Variants in CNTN4 observed in about 807,000 individuals in gnomAD.
CNTN4 encodes the protein contactin-4.
A neutral mutation model predicts 122.5 loss-of-function variants in CNTN4; 77 were observed. The observed-to-expected ratio is 0.63, with a 90% confidence interval of 0.52 to 0.76. CNTN4 has a LOEUF of 0.76. Ranked by LOEUF, CNTN4 falls within the 30% of genes least tolerant of loss-of-function variation. The pLI is 0.00. For missense variants in CNTN4, 1,256 were observed against 1,259.1 expected (o/e 1.00, Z 0.04); for synonymous variants, 512 against 447.0 (o/e 1.15, Z -1.83).
intron 7 of CNTN4, among the ~76,000 whole-genome samples, chr3:2,848,722 G>GA (rs2093497321): frequency 6.6e-6 from 1 of 152,200 alleles, no homozygotes; most frequent in Non-Finnish European, 1.5e-5. Context: ...GCGGGAAGGA[G>GA]AAAATGCTTC....
chr3:2,137,170 T>C (rs1052694772), intron 2 of CNTN4, among the ~76,000 whole-genome samples: 3 of 152,176 alleles, frequency 2.0e-5, no homozygotes, highest in Admixed American at 6.5e-5. Context: ...GGCCCTCATT[T>C]AAAATGGCTC....
At chr3:2,731,916 G>T (rs961571950) in intron 4 of CNTN4, among the ~76,000 whole-genome samples, 1 of 152,198 alleles carries the variant, frequency 6.6e-6, no homozygotes, top group South Asian at 2.1e-4. Context: ...TGCTTGTTGG[G>T]GAGGGTGGTG....
At chr3:2,153,715 G>C (rs1451335309) in intron 2 of CNTN4, among the ~76,000 whole-genome samples, 1 of 152,132 alleles carries the variant, frequency 6.6e-6, no homozygotes, top group African/African-American at 2.4e-5. Flanking sequence ...TTTAGATATT[G>C]CTCTGACTGC....
intron 3 of CNTN4, among the ~76,000 whole-genome samples, chr3:2,479,846 G>T (rs964361536): frequency 1.3e-5 from 2 of 152,144 alleles, no homozygotes; most frequent in African/African-American, 4.8e-5. Context: ...AATTTCTCAT[G>T]AATGTAGAAG....
At chr3:2,609,018 A>T (rs912588589) in intron 4 of CNTN4, among the ~76,000 whole-genome samples, 1 of 152,056 alleles carries the variant, frequency 6.6e-6, no homozygotes. Flanking sequence ...TTTTTTAAAA[A>T]CCCTCATACT....
intron 3 of CNTN4, among the ~76,000 whole-genome samples, chr3:2,474,014 CAA>C (rs34237926): frequency 2.1e-5 from 3 of 142,382 alleles, no homozygotes; most frequent in Non-Finnish European, 3.1e-5. Flanking sequence ...AACTCGGTCT[CAA>C]AAAAAAAAAA....
chr3:2,530,358 GA>G (rs1157812316), intron 3 of CNTN4, among the ~76,000 whole-genome samples: 3 of 147,398 alleles, frequency 2.0e-5, no homozygotes, highest in Non-Finnish European at 4.5e-5. Flanking sequence ...CACCAGGCTG[GA>G]GTGCAGTGGC....
intron 3 of CNTN4, among the ~76,000 whole-genome samples, chr3:2,495,675 G>A (rs756160149): frequency 6.6e-6 from 1 of 152,180 alleles, no homozygotes; most frequent in African/African-American, 2.4e-5. Context: ...GCATACGAGG[G>A]ATCTAGGTTG....
At chr3:2,199,669 C>G (rs2038006872) in intron 2 of CNTN4, among the ~76,000 whole-genome samples, 1 of 152,162 alleles carries the variant, frequency 6.6e-6, no homozygotes, top group South Asian at 2.1e-4. Flanking sequence ...ATAGACAAGA[C>G]ACCGCTGTTC....
intron 4 of CNTN4, among the ~76,000 whole-genome samples, chr3:2,734,110 A>G (rs1463533157): frequency 6.6e-6 from 1 of 152,018 alleles, no homozygotes; most frequent in Non-Finnish European, 1.5e-5. Context: ...TCCAAGCTGG[A>G]GCCTGCTGGC....
At chr3:2,846,311 C>T (rs987177429) in intron 7 of CNTN4, among the ~76,000 whole-genome samples, 1 of 152,182 alleles carries the variant, frequency 6.6e-6, no homozygotes, top group Non-Finnish European at 1.5e-5. Flanking sequence ...AGTGAATTCT[C>T]ATGAGATCTG....
At chr3:2,951,203 C>G (rs1465899682) in intron 13 of CNTN4, among the ~76,000 whole-genome samples, 1 of 152,130 alleles carries the variant, frequency 6.6e-6, no homozygotes, top group Non-Finnish European at 1.5e-5. Flanking sequence ...CAGTGGTCCC[C>G]TTTTTGGCAC....
chr3:2,740,565 T>C (rs139673758), intron 5 of CNTN4, among the ~76,000 whole-genome samples: 151 of 152,324 alleles, frequency 9.9e-4, no homozygotes, highest in Non-Finnish European at 1.9e-3. Flanking sequence ...AGTAATAATA[T>C]CACTTTTAAA....
At chr3:2,309,305 T>C (rs2042830525) in intron 2 of CNTN4, among the ~76,000 whole-genome samples, 1 of 152,152 alleles carries the variant, frequency 6.6e-6, no homozygotes, top group Non-Finnish European at 1.5e-5. Context: ...TTTGCATATG[T>C]CCTTTTCTGT....
intron 4 of CNTN4, among the ~76,000 whole-genome samples, chr3:2,621,203 T>C (rs922599382): frequency 6.6e-6 from 1 of 152,200 alleles, no homozygotes; most frequent in Non-Finnish European, 1.5e-5. Context: ...TCATCGCTGA[T>C]GTATATGAAA....
At chr3:2,706,106 G>T (rs1481964174) in intron 4 of CNTN4, among the ~76,000 whole-genome samples, 2 of 149,778 alleles carry the variant, frequency 1.3e-5, no homozygotes, top group Non-Finnish European at 3.0e-5. Context: ...CTTTGGTAGA[G>T]ATTAGACATC....
At chr3:2,279,950 A>T (rs2041655870) in intron 2 of CNTN4, among the ~76,000 whole-genome samples, 1 of 151,786 alleles carries the variant, frequency 6.6e-6, no homozygotes, top group Non-Finnish European at 1.5e-5. Flanking sequence ...TGCTCTAGAT[A>T]TATATCTAGC....
chr3:2,172,426 TA>T (rs1320980482), intron 2 of CNTN4, among the ~76,000 whole-genome samples: 1 of 152,028 alleles, frequency 6.6e-6, no homozygotes, highest in African/African-American at 2.4e-5. Flanking sequence ...GGGTGAGGCA[TA>T]AAAGACTACA....
At chr3:3,023,231 C>T (rs1250545525) in intron 14 of CNTN4, among the ~76,000 whole-genome samples, 1 of 152,058 alleles carries the variant, frequency 6.6e-6, no homozygotes, top group Non-Finnish European at 1.5e-5. Flanking sequence ...TTTTCTTGTC[C>T]CTAGGAGACC....
Sources: gnomAD v4.1 joint callset for allele counts (sites outside exome capture counted in the v4.1 genomes callset) on GRCh38, gnomAD v4.1.1 for gene constraint, MANE v1.5 for transcripts, NCBI Gene and HGNC (gene_info 2026-07-23, HGNC 2026-07-21) for gene names.